Variants in CD8A observed in about 807,000 individuals in gnomAD.
CD8A encodes CD8 subunit alpha.
Under a neutral mutation model 24.2 loss-of-function variants are expected in CD8A, and 25 were observed. That is an observed-to-expected ratio of 1.03 (90% confidence interval 0.75 to 1.44). The LOEUF (loss-of-function observed/expected upper bound fraction) is 1.44. Among genes scored for constraint, CD8A ranks in the 40% most tolerant of loss-of-function variants. The pLI is 0.00. For synonymous variants in CD8A, 165 were observed against 149.9 expected, an observed-to-expected ratio of 1.10 and a Z score of -0.74; for missense variants, 360 against 319.7, an observed-to-expected ratio of 1.13 and a Z score of -0.96.
At chr2:86,800,447 A>G (rs1450861796) in intron 3 of CD8A, among the ~76,000 whole-genome samples, 1 of 149,482 alleles carries the variant, frequency 6.7e-6, no homozygotes. Flanking sequence ...GGGCGACAGA[A>G]AAAAAAAAAA....
At chr2:86,786,476 C>A (rs1228524524) in intron 5 of CD8A, among the ~76,000 whole-genome samples, 1 of 152,222 alleles carries the variant, frequency 6.6e-6, no homozygotes, top group Non-Finnish European at 1.5e-5. Flanking sequence ...CATGCTAATT[C>A]ATCATGAGCG....
Position 86,785,276 on chromosome 2 carries a change from T to TAA in CD8A, c.*642_*643dup, listed in dbSNP as rs10628397. ...GTCTATACAATTTTAGGCTTGATTATAAAAAAAAAAAGTCTGATATTGTTT... is the reference window on the plus strand; with the variant it reads ...GTCTATACAATTTTAGGCTTGATTATAAAAAAAAAAAAAGTCTGATATTGTTT... On this transcript the variant is annotated 3_prime_UTR_variant, in exon 6 of 6. Coordinates refer to ENST00000283635, the MANE Select transcript of CD8A (RefSeq NM_001768.7). 68,740 of 405,542 alleles carry TAA rather than the reference T, an allele frequency of 0.17. 2,273 individuals are homozygous for TAA. Among genetic ancestry groups the TAA allele is most frequent in the Admixed American group, 0.21 (7,643 of 37,230 alleles). The allele number at this position is 405,542 out of a possible 1,614,324, so 25.1% of individuals were successfully genotyped here. A position where few individuals can be genotyped will look rare whatever the true frequency, so the allele number is the denominator to read the frequency against.
In CD8A at chr2:86,805,929, T is replaced by TTCTC. The variant is rs555767455; in HGVS notation, c.-418+1514_-418+1517dup. On this transcript the variant is annotated intron_variant, in intron 2 of 8. Coordinates refer to the CD8A transcript ENST00000409511. ...AAAAGGCTCGTTTCTTTTTCTTTCT[T>TTCTC]TCTCTCTCTCTCTTTCTTTTTCTTT... Among the ~76,000 whole-genome samples, 164 of 151,844 alleles carry TTCTC rather than the reference T, an allele frequency of 1.1e-3. 1 individual carries two copies. The highest frequency in any genetic ancestry group is 1.3e-3 in the Non-Finnish European group (86 of 67,922).
At chr2:86,800,696 A>G (rs1302941634) in intron 3 of CD8A, among the ~76,000 whole-genome samples, 2 of 152,160 alleles carry the variant, frequency 1.3e-5, no homozygotes, top group Non-Finnish European at 2.9e-5. Flanking sequence ...ATGGTAACAA[A>G]CCCATGTGCA....
chr2:86,795,932 G>A (rs568187073), intron 3 of CD8A, among the ~76,000 whole-genome samples: 1 of 152,284 alleles, frequency 6.6e-6, no homozygotes, highest in South Asian at 2.1e-4. Flanking sequence ...GACTCAACAA[G>A]TGGAATGTGA....
chr2:86,790,819 A>G lies in CD8A; in HGVS notation c.7T>C (p.Leu3=), dbSNP rs1673268360. 1.3e-6 allele frequency: 2 copies of G among 1,548,232 alleles called. No homozygotes were observed. The part of the protein sequence containing the change: MA[L]PVTALLLPLA... ...GGCAGGAGCAAGGCGGTCACTGGTAAGGCCATGACGCGCTCCCCAGGACGC... is the reference window on the plus strand; with the variant it reads ...GGCAGGAGCAAGGCGGTCACTGGTAGGGCCATGACGCGCTCCCCAGGACGC... Residue 3 remains leucine (L), a synonymous_variant, in exon 1 of 6, where the codon TTA becomes CTA. Coordinates refer to ENST00000283635, the MANE Select transcript of CD8A (RefSeq NM_001768.7).
chr2:86,806,559 C>T (rs188155581), intron 2 of CD8A, among the ~76,000 whole-genome samples: 3 of 152,370 alleles, frequency 2.0e-5, no homozygotes, highest in African/African-American at 4.8e-5. Flanking sequence ...GAACGAGCTG[C>T]TCCCTCCACA....
chr2:86,788,858 C>T (rs914731992), intron 4 of CD8A, among the ~76,000 whole-genome samples: 2 of 152,156 alleles, frequency 1.3e-5, no homozygotes, highest in South Asian at 2.1e-4. Flanking sequence ...CAGACGCGGG[C>T]GAAAGCGGGG....
intron 2 of CD8A, among the ~76,000 whole-genome samples, chr2:86,802,290 G>A (rs1338384991): frequency 1.3e-5 from 2 of 152,000 alleles, no homozygotes; most frequent in South Asian, 2.1e-4. Context: ...TGCCTGCCTC[G>A]GCCTCCCAAA....
At chr2:86,791,705 C>T, upstream of CD8A, 1 of 452,362 alleles carries the variant, frequency 2.2e-6, no homozygotes, top group Non-Finnish European at 4.4e-6. Flanking sequence ...TTGACCAGCC[C>T]TTGGGTGCTG....
Position 86,790,421 on chromosome 2 carries a change from C to A in CD8A, c.310G>T (p.Asp104Tyr). The A allele has an allele frequency of 6.2e-7, 1 of 1,614,154 alleles. No homozygotes were observed. ...LGDTFVLTLS[D>Y]FRRENEGYYF... ...TAGCCCTCGTTCTCTCGGCGGAAGT[C>A]GCTCAGGGTGAGGACGAAGGTGTCC... Residue 104 changes from aspartate to tyrosine, a missense_variant, in exon 2 of 6, where the codon GAC (aspartate) becomes TAC (tyrosine). Asp to Tyr is a radical substitution (Grantham distance 160). Transcript: ENST00000283635.
At position 86,789,471 on chromosome 2, in the gene CD8A, C is replaced by T. The variant is rs375142775; in HGVS notation, c.515-38G>A. 4.6e-5 allele frequency: 70 copies of T among 1,510,246 alleles called. No individual in the cohort carries two copies. In the African/African-American group the frequency reaches 9.0e-4, roughly 20 times the overall value. The allele number at this position is 1,510,246 out of a possible 1,614,324, so 93.6% of individuals were successfully genotyped here. A position where few individuals can be genotyped will look rare whatever the true frequency, so the allele number is the denominator to read the frequency against. ...AAGACGCCGACATTTAGGAGAGGGC[C>T]CGGGACCTCCCAACCGCCCCACCGT... On this transcript the variant is annotated intron_variant, in intron 3 of 5. Transcript: ENST00000283635.
At chr2:86,792,490 G>A (rs1185623062), upstream of CD8A, among the ~76,000 whole-genome samples, 10 of 151,732 alleles carry the variant, frequency 6.6e-5, no homozygotes, top group East Asian at 1.9e-4. Context: ...GTTCTTTGTC[G>A]TTGTTGCTAT....
At position 86,785,558 on chromosome 2, in the gene CD8A, G is replaced by A. The variant is rs1347876603; in HGVS notation, c.*362C>T. On this transcript the variant is annotated 3_prime_UTR_variant, in exon 6 of 6. Coordinates refer to ENST00000283635, the MANE Select transcript of CD8A (RefSeq NM_001768.7). ...TGTGCCTTTGATCAAGCTGTCTCTGGGCTTTAGCCTCCCCCTTTGTAAAAC... is the reference window on the plus strand; with the variant it reads ...TGTGCCTTTGATCAAGCTGTCTCTGAGCTTTAGCCTCCCCCTTTGTAAAAC... 2.0e-6 allele frequency: 1 copy of A among 496,812 alleles called. No individual in the cohort carries two copies. Among genetic ancestry groups the A allele is most frequent in the Non-Finnish European group, 3.9e-6 (1 of 255,020 alleles). The allele number at this position is 496,812 out of a possible 1,614,324, so 30.8% of individuals were successfully genotyped here.
chr2:86,800,316 G>A (rs187115088), intron 3 of CD8A, among the ~76,000 whole-genome samples: 19 of 151,784 alleles, frequency 1.3e-4, no homozygotes, highest in Admixed American at 1.2e-3. Flanking sequence ...AGAAAATTTA[G>A]TCGGGCATGG....
intron 1 of CD8A, 41 bp downstream of exon 1, chr2:86,790,736 G>T: frequency 3.0e-6 from 2 of 658,612 alleles, no homozygotes. Context: ...CCCGCCCCCC[G>T]CCCGCCCCAT....
rs759887683 is a variant in CD8A, at chr2:86,790,373, T to C, written c.358A>G (p.Asn120Asp). 2 of 1,613,752 alleles carry C rather than the reference T, an allele frequency of 1.2e-6. No individual in the cohort carries two copies. The highest frequency in any genetic ancestry group is 2.7e-5 in the African/African-American group (2 of 74,834). Residue 120 changes from asparagine to aspartate, a missense_variant, in exon 2 of 6, where the codon AAC becomes GAC. Physicochemically the swap from Asn to Asp is conservative, Grantham distance 23. Transcript: ENST00000283635. Reference sequence around the variant, plus strand: ...AAGTGGCTGAAGTACATGATGGAGTTGCTCAGGGCCGAGCAGAAATAGTAG... The same window carrying C: ...AAGTGGCTGAAGTACATGATGGAGTCGCTCAGGGCCGAGCAGAAATAGTAG... ...EGYYFCSALS[N>D]SIMYFSHFVP...
intron 2 of CD8A, among the ~76,000 whole-genome samples, chr2:86,803,658 TCTC>T (rs1673747219): frequency 6.6e-6 from 1 of 152,200 alleles, no homozygotes; most frequent in Non-Finnish European, 1.5e-5. Context: ...TTCAAGTAAT[TCTC>T]CTGCCTCAGC....
chr2:86,795,864 A>C (rs1310601618), upstream of CD8A, among the ~76,000 whole-genome samples: 1 of 152,214 alleles, frequency 6.6e-6, no homozygotes, highest in Non-Finnish European at 1.5e-5. Context: ...GATTTTCAAA[A>C]ATTTCTATTC....
Sources: allele counts gnomAD v4.1 joint callset (sites outside exome capture counted in the v4.1 genomes callset), GRCh38; gene constraint gnomAD v4.1.1; transcripts MANE v1.5; gene names NCBI Gene and HGNC (gene_info 2026-07-23, HGNC 2026-07-21).